The following KLF8 variants were observed in gnomAD, a reference collection of about 807,000 sequenced individuals.
KLF8 encodes the protein KLF transcription factor 8.
A neutral mutation model predicts 18.2 loss-of-function variants in KLF8; 10 were observed. That is an observed-to-expected ratio of 0.55 (90% CI 0.34 to 0.93). KLF8 has a LOEUF of 0.93. KLF8 is among the 40% of genes least tolerant of loss of function. The pLI is 0.02. For missense variants in KLF8, 264 were observed against 277.9 expected (o/e 0.95, Z 0.36); for synonymous variants, 109 against 97.3 (o/e 1.12, Z -0.71).
At chrX:56,009,497 T>A in the KLF8 span, among the ~76,000 whole-genome samples, 1 of 110,942 alleles carries the variant, frequency 9.0e-6, no homozygotes, top group African/African-American at 3.3e-5. Context: ...CTCATGAAGA[T>A]GAGAAAGAAT....
the KLF8 span, among the ~76,000 whole-genome samples, chrX:56,083,372 A>C: frequency 8.9e-6 from 1 of 112,054 alleles, no homozygotes. Flanking sequence ...AATTCTAAGA[A>C]ATTTAAGCCC....
the KLF8 span, among the ~76,000 whole-genome samples, chrX:55,994,309 C>T: frequency 9.2e-6 from 1 of 108,951 alleles, no homozygotes; most frequent in Non-Finnish European, 1.9e-5. Context: ...TTATTTGGAT[C>T]TTCTTTTTTC....
the KLF8 span, among the ~76,000 whole-genome samples, chrX:55,981,052 G>C: frequency 6.3e-5 from 7 of 111,754 alleles, no homozygotes; most frequent in African/African-American, 2.3e-4. Flanking sequence ...ATATAGCCAG[G>C]CTTGGTGGCG....
the KLF8 span, among the ~76,000 whole-genome samples, chrX:56,220,211 GA>G: frequency 4.5e-5 from 5 of 111,951 alleles, no homozygotes; most frequent in African/African-American, 1.6e-4. Context: ...ATTCCCTAAA[GA>G]GCAAGACCTA....
the KLF8 span, among the ~76,000 whole-genome samples, chrX:56,002,924 A>T: frequency 4.7e-4 from 53 of 112,544 alleles, no homozygotes; most frequent in African/African-American, 1.5e-3. Flanking sequence ...CTACAAAAGG[A>T]ACAATGTATC....
At chrX:56,249,669 A>T (rs750515204) in intron 1 of KLF8, among the ~76,000 whole-genome samples, 11 of 112,024 alleles carry the variant, frequency 9.8e-5, no homozygotes, top group Non-Finnish European at 1.9e-5. Context: ...GTTGAGGAAG[A>T]AAGCTAGTAG....
the KLF8 span, among the ~76,000 whole-genome samples, chrX:56,185,213 A>G: frequency 1.8e-5 from 2 of 112,469 alleles, no homozygotes; most frequent in African/African-American, 6.5e-5. Context: ...AGACTGGAGA[A>G]CTACGTGAAG....
the KLF8 span, among the ~76,000 whole-genome samples, chrX:56,048,215 G>A: frequency 9.9e-5 from 11 of 111,439 alleles, no homozygotes; most frequent in African/African-American, 3.6e-4. Flanking sequence ...CATTCTGTAG[G>A]TTGCCTGTTC....
At chrX:56,206,244 T>A in the KLF8 span, among the ~76,000 whole-genome samples, 1 of 110,659 alleles carries the variant, frequency 9.0e-6, no homozygotes, top group Admixed American at 9.6e-5. Context: ...TCCTTTCACA[T>A]CTCATGTCCT....
At chrX:56,001,007 G>T in the KLF8 span, among the ~76,000 whole-genome samples, 1 of 111,518 alleles carries the variant, frequency 9.0e-6, no homozygotes, top group Non-Finnish European at 1.9e-5. Context: ...GAGTAAATAG[G>T]CAAGAACAAA....
the KLF8 span, among the ~76,000 whole-genome samples, chrX:56,137,621 A>C: frequency 3.0e-5 from 2 of 65,671 alleles, no homozygotes; most frequent in Non-Finnish European, 5.2e-5. Context: ...GGGAGGGGGG[A>C]GGGATAGCAT....
At chrX:55,953,327 G>A in the KLF8 span, among the ~76,000 whole-genome samples, 1 of 111,285 alleles carries the variant, frequency 9.0e-6, no homozygotes, top group African/African-American at 3.3e-5. Flanking sequence ...TGTAAATAAA[G>A]TAGTCAGAGG....
chrX:55,963,671 G>A, the KLF8 span, among the ~76,000 whole-genome samples: 1 of 112,097 alleles, frequency 8.9e-6, no homozygotes, highest in African/African-American at 3.2e-5. Context: ...CACAATTATA[G>A]TGAAAGGCTT....
At chrX:55,998,842 G>T in the KLF8 span, among the ~76,000 whole-genome samples, 2 of 92,107 alleles carry the variant, frequency 2.2e-5, no homozygotes, top group Non-Finnish European at 4.2e-5. Flanking sequence ...AAGCTTTTTA[G>T]TTTAATTAGG....
the KLF8 span, among the ~76,000 whole-genome samples, chrX:56,052,693 A>T: frequency 8.9e-6 from 1 of 112,055 alleles, no homozygotes; most frequent in East Asian, 2.8e-4. Context: ...GGGACATTTA[A>T]GTCTGCAGAG....
chrX:55,988,253 G>A, the KLF8 span, among the ~76,000 whole-genome samples: 4 of 110,845 alleles, frequency 3.6e-5, no homozygotes, highest in South Asian at 3.8e-4. Context: ...TGCTTTTGGT[G>A]TTTTAGACAT....
chrX:56,155,623 T>A, the KLF8 span, among the ~76,000 whole-genome samples: 1 of 111,812 alleles, frequency 8.9e-6, no homozygotes, highest in African/African-American at 3.2e-5. Flanking sequence ...AATTAAAAAA[T>A]TAAAAAGATA....
the KLF8 span, among the ~76,000 whole-genome samples, chrX:56,140,407 G>C: frequency 8.9e-6 from 1 of 111,895 alleles, no homozygotes; most frequent in African/African-American, 3.2e-5. Context: ...ACGTATGCAT[G>C]ATGGAATACT....
At chrX:55,938,086 G>C in the KLF8 span, among the ~76,000 whole-genome samples, 1 of 111,438 alleles carries the variant, frequency 9.0e-6, no homozygotes, top group African/African-American at 3.3e-5. Context: ...ATTCACCAAA[G>C]TTGAAATGAA....
Sources: gnomAD v4.1 joint callset for allele counts (sites outside exome capture counted in the v4.1 genomes callset) on GRCh38, gnomAD v4.1.1 for gene constraint, MANE v1.5 for transcripts, NCBI Gene and HGNC (gene_info 2026-07-23, HGNC 2026-07-21) for gene names.